Variants in HAL observed in about 807,000 individuals in gnomAD.
The protein encoded by HAL is histidine ammonia-lyase.
A neutral mutation model predicts 81.1 loss-of-function variants in HAL; 85 were observed. That is an observed-to-expected ratio of 1.05 (90% CI 0.88 to 1.25). The LOEUF (loss-of-function observed/expected upper bound fraction) is 1.25, where lower values mean the gene tolerates loss of function less well. Among genes scored for constraint, HAL ranks in the 50% most tolerant of loss-of-function variants. The pLI, the probability that HAL is intolerant of heterozygous loss-of-function variation, is 0.00. For missense variants in HAL, 798 were observed against 836.6 expected, an observed-to-expected ratio of 0.95 and a Z score of 0.57; for synonymous variants, 301 against 309.2, an observed-to-expected ratio of 0.97 and a Z score of 0.28.
intron 15 of HAL, chr12:95,983,546 A>G: frequency 3.1e-6 from 1 of 318,538 alleles, no homozygotes; most frequent in Non-Finnish European, 5.9e-6. Flanking sequence ...CATTTCTGCA[A>G]TCACATTTGT....
chr12:95,974,474 A>T (rs2080692201), intron 20 of HAL, 102 bp from the exon 21 acceptor site: 2 of 1,006,442 alleles, frequency 2.0e-6, no homozygotes, highest in African/African-American at 1.6e-5. Context: ...TCTATACATG[A>T]CCAGACACAG....
intron 9 of HAL, among the ~76,000 whole-genome samples, chr12:95,990,857 C>T (rs1430035192): frequency 2.0e-5 from 3 of 152,206 alleles, no homozygotes; most frequent in East Asian, 1.9e-4. Context: ...AGCCTGTAAT[C>T]CCAGCACTTT....
intron 20 of HAL, chr12:95,976,145 A>G (rs992896134): frequency 4.5e-6 from 2 of 443,734 alleles, no homozygotes; most frequent in African/African-American, 4.0e-5. Flanking sequence ...GGCATCAATG[A>G]ACCTGACATC....
At position 95,976,582 on chromosome 12, in the gene HAL, A is replaced by G; in HGVS notation, c.1763+16T>C. On this transcript the variant is annotated intron_variant, in intron 19 of 20. Transcript: ENST00000261208. ...TGCTGAACTGATGTAATTTTCAGAGACCTGTTTGATCTTACCTTACAACAG... is the reference window on the plus strand; with the variant it reads ...TGCTGAACTGATGTAATTTTCAGAGGCCTGTTTGATCTTACCTTACAACAG... 1 of 1,595,756 alleles carries G rather than the reference A, an allele frequency of 6.3e-7. No homozygotes were observed. The highest frequency in any genetic ancestry group is 8.6e-7 in the Non-Finnish European group (1 of 1,163,254).
rs534229339 is a variant in HAL at position 95,973,952 on chromosome 12, T to G, written c.*280A>C. Reference sequence around the variant, plus strand: ...GCACATACAATTGTGGTTATTCTTCTCACCCTTAAGAGTGAGTGGCCTGTT... The same window carrying G: ...GCACATACAATTGTGGTTATTCTTCGCACCCTTAAGAGTGAGTGGCCTGTT... On this transcript the variant is annotated 3_prime_UTR_variant, in exon 21 of 21. Coordinates refer to ENST00000261208, the MANE Select transcript of HAL (RefSeq NM_002108.4). 2.4e-6 allele frequency: 1 copy of G among 420,736 alleles called. No individual in the cohort carries two copies. The highest frequency in any genetic ancestry group is 4.0e-5 in the East Asian group (1 of 24,878). The allele number at this position is 420,736 out of a possible 1,614,324, so 26.1% of individuals were successfully genotyped here.
At chr12:95,992,283 T>A (rs1341888505) in intron 9 of HAL, among the ~76,000 whole-genome samples, 1 of 152,226 alleles carries the variant, frequency 6.6e-6, no homozygotes, top group Non-Finnish European at 1.5e-5. Context: ...GATTTCAGAT[T>A]CCCAGGCACC....
chr12:95,992,114 T>C (rs1405102243), intron 9 of HAL, among the ~76,000 whole-genome samples: 1 of 152,230 alleles, frequency 6.6e-6, no homozygotes, highest in Non-Finnish European at 1.5e-5. Context: ...AGAATTTTCC[T>C]ATCCAAGAAG....
In HAL at chr12:95,974,228, C is replaced by A. The variant is rs1455905331; in HGVS notation, c.*4G>T. 6.2e-7 allele frequency: 1 copy of A among 1,613,522 alleles called. No individual in the cohort carries two copies. Among genetic ancestry groups the A allele is most frequent in the South Asian group, 1.1e-5 (1 of 91,072 alleles). ...TCTCATCTGCTACTTCATGACAAAG[C>A]CCATTAAAGGTCCTCAGACTCCGGG... On this transcript the variant is annotated 3_prime_UTR_variant, in exon 21 of 21. Coordinates refer to ENST00000261208, the MANE Select transcript of HAL (RefSeq NM_002108.4).
In HAL at chr12:95,980,703, T is replaced by A. The variant is rs775420602; in HGVS notation, c.1372A>T (p.Ile458Phe). ...YPAKALDYLA[I>F]GIHELAAISE... ...ATTGCAGCAAGTTCATGGATGCCAA[T>A]GGCCAAGTAGTCTAGGGCCTGAAAG... Residue 458 changes from isoleucine to phenylalanine, a missense_variant, in exon 17 of 21, where the codon ATT (isoleucine) becomes TTT (phenylalanine). Physicochemically the swap from Ile to Phe is conservative, Grantham distance 21. Transcript: ENST00000261208. The A allele has an allele frequency of 6.2e-7, 1 of 1,613,996 alleles. No individual in the cohort carries two copies. Among genetic ancestry groups the A allele is most frequent in the African/African-American group, 1.3e-5 (1 of 75,040 alleles).
chr12:95,978,449 C>T (rs567136987), intron 17 of HAL, among the ~76,000 whole-genome samples: 4 of 152,142 alleles, frequency 2.6e-5, no homozygotes, highest in African/African-American at 9.6e-5. Context: ...ACCAGAATTC[C>T]GATGTGGCAT....
At chr12:95,986,579 A>G (rs532645170) in intron 12 of HAL, among the ~76,000 whole-genome samples, 1 of 152,308 alleles carries the variant, frequency 6.6e-6, no homozygotes, top group East Asian at 1.9e-4. Context: ...AGGGCGAATA[A>G]CAGGAGGGAG....
chr12:95,977,290 G>A (rs2080732393), intron 18 of HAL, among the ~76,000 whole-genome samples: 2 of 151,816 alleles, frequency 1.3e-5, no homozygotes, highest in South Asian at 4.2e-4. Flanking sequence ...AGTTCATAGT[G>A]TACTTCATAA....
rs1059845 is a variant in HAL at position 95,972,920 on chromosome 12, G to A, written c.*1312C>T. 53,556 of 152,134 alleles carry A rather than the reference G, an allele frequency of 0.35. 10,668 individuals are homozygous for A. Among genetic ancestry groups the A allele is most frequent in the Admixed American group, 0.5 (7,664 of 15,298 alleles). The allele number at this position is 152,134 out of a possible 1,614,324, so 9.4% of individuals were successfully genotyped here. A position where few individuals can be genotyped will look rare whatever the true frequency, so the allele number is the denominator to read the frequency against. On this transcript the variant is annotated 3_prime_UTR_variant, in exon 21 of 21. Coordinates refer to ENST00000261208, the MANE Select transcript of HAL (RefSeq NM_002108.4). The stretch of plus-strand genomic sequence containing the variant: ...TTTGTGTGTGTTCACATTTTGACAA[G>A]GAATAGCACCAAGAACAACCTTTAG...
intron 15 of HAL, among the ~76,000 whole-genome samples, chr12:95,982,239 G>A (rs1212035772): frequency 2.0e-5 from 3 of 152,142 alleles, no homozygotes; most frequent in African/African-American, 4.8e-5. Context: ...TATTCTTTCA[G>A]GTAACAGCAG....
chr12:95,996,090 T>C lies in HAL; in HGVS notation c.-94A>G, dbSNP rs1171249086. 1.6e-5 allele frequency: 11 copies of C among 680,490 alleles called. No individual in the cohort carries two copies. The highest frequency in any genetic ancestry group is 2.8e-5 in the Non-Finnish European group (11 of 391,784). The allele number at this position is 680,490 out of a possible 1,614,324, so 42.2% of individuals were successfully genotyped here. On this transcript the variant is annotated 5_prime_UTR_variant, in exon 1 of 21. Coordinates refer to ENST00000261208, the MANE Select transcript of HAL (RefSeq NM_002108.4). The stretch of plus-strand genomic sequence containing the variant: ...TTTATTGAGGTACCTGCTGTCCCTT[T>C]GGTTTTTGTAGCCGAGCAGGGGCAG...
intron 12 of HAL, among the ~76,000 whole-genome samples, chr12:95,986,852 T>A (rs1949895429): frequency 6.6e-6 from 1 of 151,968 alleles, no homozygotes; most frequent in Non-Finnish European, 1.5e-5. Context: ...TCACTCAACT[T>A]CCGGGCTGTG....
In HAL at chr12:95,983,847, A is replaced by G. The variant is rs1473691537; in HGVS notation, c.1287+64T>C. Reference sequence around the variant, plus strand: ...AGAAGCTACACAAAATGATTGTTTCAGTAGATCCTAAAATTACCAGCTGCA... The same window carrying G: ...AGAAGCTACACAAAATGATTGTTTCGGTAGATCCTAAAATTACCAGCTGCA... On this transcript the variant is annotated intron_variant, in intron 15 of 20. Coordinates refer to ENST00000261208, the MANE Select transcript of HAL (RefSeq NM_002108.4). The G allele has an allele frequency of 1.4e-5, 12 of 860,006 alleles. No homozygotes were observed. The African/African-American group carries it at 1.8e-4, about 13-fold the overall frequency. 53.3% of individuals were successfully genotyped at this position (860,006 alleles called of 1,614,324 possible). A position where few individuals can be genotyped will look rare whatever the true frequency, so the allele number is the denominator to read the frequency against.
In HAL at chr12:95,994,084, C is replaced by A. The variant is rs757219836; in HGVS notation, c.411+6G>T. 1 of 1,610,904 alleles carries A rather than the reference C, an allele frequency of 6.2e-7. No individual in the cohort carries two copies. Among genetic ancestry groups the A allele is most frequent in the African/African-American group, 1.3e-5 (1 of 74,862 alleles). On this transcript the variant is annotated splice_donor_region_variant and intron_variant, in intron 5 of 20. Coordinates refer to ENST00000261208, the MANE Select transcript of HAL (RefSeq NM_002108.4). ...CAGAGGACATCTTTCCCCTCCCTCC[C>A]CATACCTTTATTTTGTAGCGTCCCT...
At chr12:95,988,510 G>T (rs568525474) in intron 10 of HAL, among the ~76,000 whole-genome samples, 1 of 152,208 alleles carries the variant, frequency 6.6e-6, no homozygotes, top group South Asian at 2.1e-4. Context: ...TGGTTTCTAC[G>T]TCCTTCGTGT....
Sources: allele counts gnomAD v4.1 joint callset (sites outside exome capture counted in the v4.1 genomes callset), GRCh38; gene constraint gnomAD v4.1.1; transcripts MANE v1.5; gene names NCBI Gene and HGNC (gene_info 2026-07-23, HGNC 2026-07-21).